Variants in KATNIP observed in about 807,000 individuals in gnomAD.
KATNIP encodes katanin interacting protein.
A neutral mutation model predicts 174.0 loss-of-function variants in KATNIP; 126 were observed. The observed-to-expected ratio is 0.72, with a 90% CI of 0.63 to 0.84. KATNIP has a LOEUF of 0.84. Ranked by LOEUF, KATNIP falls within the 40% of genes least tolerant of loss-of-function variation. KATNIP has a pLI of 0.00. For synonymous variants in KATNIP, 810 were observed against 835.7 expected (o/e 0.97, Z 0.53); for missense variants, 1,958 against 2,109.7 (o/e 0.93, Z 1.41).
chr16:27,713,802 G>GTATATACA (rs1312844861), intron 13 of KATNIP, among the ~76,000 whole-genome samples: 7 of 46,322 alleles, frequency 1.5e-4, no homozygotes, highest in African/African-American at 6.0e-4. Context: ...GTGTGTGTGT[G>GTATATACA]TATATACATA....
chr16:27,727,836 C>G (rs138774082), intron 14 of KATNIP: 36 of 152,384 alleles, frequency 2.4e-4, no homozygotes, highest in African/African-American at 8.4e-4. Context: ...AGCTATCACA[C>G]TATTTCACTC....
chr16:27,731,290 C>T (rs953490166), intron 14 of KATNIP, among the ~76,000 whole-genome samples: 1 of 152,220 alleles, frequency 6.6e-6, no homozygotes, highest in South Asian at 2.1e-4. Context: ...GGGGGATTGC[C>T]GCACTGGGCC....
At position 27,777,960 on chromosome 16, in the gene KATNIP, G is replaced by T. The variant is rs1400071000; in HGVS notation, c.4792G>T (p.Val1598Phe). 2 of 1,614,024 alleles carry T rather than the reference G, an allele frequency of 1.2e-6. No individual in the cohort carries two copies. The highest frequency in any genetic ancestry group is 1.7e-6 in the Non-Finnish European group (2 of 1,179,902). Reference protein sequence around the residue: ...ITNAKRKQSVVDPALRPKTCI... With the variant: ...ITNAKRKQSVFDPALRPKTCI... The stretch of plus-strand genomic sequence containing the variant: ...CAACGCGAAACGGAAGCAGAGCGTT[G>T]TTGACCCAGGTCAGTGGCGTTTCTC... The change falls in exon 27 of 28, where the codon GTT becomes TTT. Residue 1598 changes from valine to phenylalanine, a missense_variant. By Grantham distance (50) the Val-to-Phe change is conservative. Coordinates refer to ENST00000261588, the MANE Select transcript of KATNIP (RefSeq NM_015202.5). This position sits in a 1 kb window ranked among gnomAD's most constrained non-coding sequence, Gnocchi z 4.4.
rs550538030 is a variant in KATNIP, at chr16:27,615,488, G to A, written c.64-2937G>A. Among the ~76,000 whole-genome samples the A allele has an allele frequency of 1.3e-3, 203 of 152,120 alleles. No homozygotes were observed. The Middle Eastern group carries it at 0.024, about 18-fold the overall frequency. ...TCCTGCCTCAGCCTCCCACGTAGCT[G>A]GGACTACAGACGTGTACCACCATGC... On this transcript the variant is annotated intron_variant, in intron 2 of 27. Coordinates refer to ENST00000261588, the MANE Select transcript of KATNIP (RefSeq NM_015202.5).
intron 1 of KATNIP, among the ~76,000 whole-genome samples, chr16:27,554,789 CTTTTTT>C (rs563621813): frequency 2.6e-5 from 2 of 77,806 alleles, no homozygotes; most frequent in African/African-American, 9.9e-5. Context: ...TTGATTTACA[CTTTTTT>C]TTTTTTTTTT....
chr16:27,742,244 G>T (rs967921874), intron 15 of KATNIP, among the ~76,000 whole-genome samples: 1 of 152,086 alleles, frequency 6.6e-6, no homozygotes, highest in Non-Finnish European at 1.5e-5. Flanking sequence ...AAACTCAGCC[G>T]CTTACAGACC....
chr16:27,646,539 T>G (rs1010343709), intron 5 of KATNIP, among the ~76,000 whole-genome samples: 1 of 151,782 alleles, frequency 6.6e-6, no homozygotes, highest in African/African-American at 2.4e-5. Flanking sequence ...ACAAGGGAGG[T>G]GTTTCCTGAA....
intron 2 of KATNIP, among the ~76,000 whole-genome samples, chr16:27,601,160 G>T (rs2075510556): frequency 1.3e-5 from 2 of 152,102 alleles, no homozygotes; most frequent in African/African-American, 2.4e-5. Flanking sequence ...GTTCCTCCGT[G>T]TTCTTTCCTT....
intron 6 of KATNIP, among the ~76,000 whole-genome samples, chr16:27,651,469 C>T (rs2077119641): frequency 6.6e-6 from 1 of 151,864 alleles, no homozygotes; most frequent in Admixed American, 6.6e-5. Context: ...TATACTCAGC[C>T]ACCTCACACT....
Position 27,703,927 on chromosome 16 carries a change from G to C in KATNIP, c.1318G>C (p.Ala440Pro), listed in dbSNP as rs527689618. 306 of 1,614,160 alleles carry C rather than the reference G, an allele frequency of 1.9e-4. 2 individuals are homozygous for C. The South Asian group carries it at 3.1e-3, about 16-fold the overall frequency. The change falls in exon 12 of 28, where the codon GCC (alanine) becomes CCC (proline). Residue 440 changes from alanine (A) to proline (P), a missense_variant. By Grantham distance (27) the Ala-to-Pro change is conservative (BLOSUM62 -1). Transcript: ENST00000261588. ...GCAGAAGCTTCTGAAAGTCCTCCAG[G>C]CCGTCGAAAGTGACTCTGCCCATCT... ...QQQKLLKVLQAVESDSAHLGR... is the reference protein window; with the variant it reads ...QQQKLLKVLQPVESDSAHLGR...
chr16:27,697,406 AG>A (rs1307851429), intron 8 of KATNIP, among the ~76,000 whole-genome samples: 10 of 152,204 alleles, frequency 6.6e-5, no homozygotes, highest in African/African-American at 2.4e-4. Flanking sequence ...TCTAATGATT[AG>A]TGATGTCAAG....
At chr16:27,644,377 A>G (rs1305960945) in intron 5 of KATNIP, 1 of 151,864 alleles carries the variant, frequency 6.6e-6, no homozygotes, top group East Asian at 1.9e-4. Context: ...AGAGCCTCCT[A>G]TAATAACAGC....
At chr16:27,606,443 C>T (rs1567485959) in intron 2 of KATNIP, among the ~76,000 whole-genome samples, 2 of 151,950 alleles carry the variant, frequency 1.3e-5, no homozygotes, top group African/African-American at 2.4e-5. Context: ...TACCACTGTA[C>T]CACCCAGTAC....
At position 27,710,612 on chromosome 16, in the gene KATNIP, C is replaced by T. The variant is rs529860394; in HGVS notation, c.1605+1692C>T. On this transcript the variant is annotated intron_variant, in intron 13 of 27. Coordinates refer to ENST00000261588, the MANE Select transcript of KATNIP (RefSeq NM_015202.5). ...AAACTCCTGGGCTCAAGCTGTCCTC[C>T]TGCCTCAGCCTCCTAAATAGTTGGG... 3.3e-5 allele frequency among the ~76,000 whole-genome samples: 5 copies of T among 152,254 alleles called. No individual in the cohort carries two copies. In the East Asian group the frequency reaches 9.7e-4, roughly 29 times the overall value.
intron 3 of KATNIP, among the ~76,000 whole-genome samples, chr16:27,626,795 G>A (rs750112112): frequency 8.0e-5 from 12 of 150,168 alleles, no homozygotes; most frequent in Non-Finnish European, 8.9e-5. Flanking sequence ...AAAAACACAC[G>A]CAAAAAAAAA....
chr16:27,744,673 A>G lies in KATNIP; in HGVS notation c.2623+3753A>G, dbSNP rs949091521. Among the ~76,000 whole-genome samples, 3 of 152,130 alleles carry G rather than the reference A, an allele frequency of 2.0e-5. No homozygotes were observed. In the East Asian group the frequency reaches 5.8e-4, roughly 29 times the overall value. On this transcript the variant is annotated intron_variant, in intron 15 of 27. Coordinates refer to ENST00000261588, the MANE Select transcript of KATNIP (RefSeq NM_015202.5). Reference sequence around the variant, plus strand: ...TGAGACGGGAAGATCACCTGAGGTCAAGAATTCGAGACCAGCCTGATTAAT... The same window carrying G: ...TGAGACGGGAAGATCACCTGAGGTCGAGAATTCGAGACCAGCCTGATTAAT...
intron 1 of KATNIP, among the ~76,000 whole-genome samples, chr16:27,570,514 C>T (rs569080073): frequency 4.6e-5 from 7 of 152,254 alleles, no homozygotes; most frequent in Non-Finnish European, 7.3e-5. Flanking sequence ...TTGCAGTAAG[C>T]GGAGATCGCA....
intron 15 of KATNIP, among the ~76,000 whole-genome samples, chr16:27,747,056 G>T (rs2081320178): frequency 6.6e-6 from 1 of 152,234 alleles, no homozygotes; most frequent in African/African-American, 2.4e-5. Context: ...AGTTAAGCAG[G>T]GCCTGCCTGG....
intron 1 of KATNIP, among the ~76,000 whole-genome samples, chr16:27,568,057 T>C (rs2090154672): frequency 6.6e-6 from 1 of 152,252 alleles, no homozygotes; most frequent in African/African-American, 2.4e-5. Flanking sequence ...TAGTTCTTTA[T>C]GCAAATAGAA....
Sources: allele counts gnomAD v4.1 joint callset (sites outside exome capture counted in the v4.1 genomes callset), GRCh38; gene constraint gnomAD v4.1.1; non-coding constraint Gnocchi (gnomAD v3.1); transcripts MANE v1.5; gene names NCBI Gene and HGNC (gene_info 2026-07-23, HGNC 2026-07-21).